LYPD6B: variants seen among roughly 807,000 people sequenced by gnomAD.
LYPD6B encodes LY6/PLAUR domain containing 6B, also known as ly6/PLAUR domain-containing protein 6B.
In LYPD6B, 17 loss-of-function variants were observed where a neutral mutation model predicts 22.8. The ratio of observed to expected loss-of-function variants is 0.75; its 90% CI spans 0.51 to 1.12. The LOEUF is 1.12. LYPD6B is among the 50% of genes most tolerant of loss of function. The pLI is 0.00. For missense variants in LYPD6B, 221 were observed against 258.3 expected, an observed-to-expected ratio of 0.86 and a Z score of 0.99; for synonymous variants, 106 against 91.6, an observed-to-expected ratio of 1.16 and a Z score of -0.90.
intron 1 of LYPD6B, among the ~76,000 whole-genome samples, chr2:149,081,454 G>A (rs568192228): frequency 2.5e-4 from 38 of 152,122 alleles, no homozygotes; most frequent in Non-Finnish European, 4.7e-4. Flanking sequence ...GTATAGATCT[G>A]GAAATTTAAT....
intron 1 of LYPD6B, among the ~76,000 whole-genome samples, chr2:149,072,193 A>G (rs969009315): frequency 2.8e-4 from 42 of 152,212 alleles, no homozygotes; most frequent in African/African-American, 8.9e-4. Context: ...CAGTCTCCCT[A>G]TGTTTTACCA....
chr2:149,208,996 AAG>A (rs1332296405), intron 5 of LYPD6B, among the ~76,000 whole-genome samples: 1 of 152,148 alleles, frequency 6.6e-6, no homozygotes, highest in African/African-American at 2.4e-5. Context: ...ACATACTGGA[AAG>A]AGGGAATCGC....
intron 1 of LYPD6B, among the ~76,000 whole-genome samples, chr2:149,095,030 G>A (rs1367126465): frequency 3.3e-5 from 5 of 152,274 alleles, no homozygotes; most frequent in East Asian, 3.9e-4. Flanking sequence ...GGTGGCTCAC[G>A]CCTGTAATCA....
intron 1 of LYPD6B, among the ~76,000 whole-genome samples, chr2:149,067,048 G>A (rs1254888831): frequency 6.6e-6 from 1 of 152,152 alleles, no homozygotes; most frequent in Admixed American, 6.6e-5. Flanking sequence ...ACTTCTAAGA[G>A]AGAATATGTG....
At chr2:149,051,640 A>G (rs1273629683) in intron 1 of LYPD6B, among the ~76,000 whole-genome samples, 2 of 151,908 alleles carry the variant, frequency 1.3e-5, no homozygotes, top group African/African-American at 4.8e-5. Context: ...TAGAAATGAC[A>G]TAAGTGAGTA....
intron 1 of LYPD6B, among the ~76,000 whole-genome samples, chr2:149,055,111 C>T (rs1278992944): frequency 1.3e-5 from 2 of 152,150 alleles, no homozygotes; most frequent in Admixed American, 1.3e-4. Context: ...TTGCATGTGG[C>T]TTCCCAGTTG....
intron 1 of LYPD6B, among the ~76,000 whole-genome samples, chr2:149,108,078 T>C (rs1405624707): frequency 1.3e-5 from 2 of 152,124 alleles, no homozygotes; most frequent in African/African-American, 4.8e-5. Context: ...GGTAATTGAA[T>C]CATGGGGGCA....
At chr2:149,090,694 A>G (rs1030629321) in intron 1 of LYPD6B, among the ~76,000 whole-genome samples, 1 of 152,168 alleles carries the variant, frequency 6.6e-6, no homozygotes, top group Non-Finnish European at 1.5e-5. Flanking sequence ...TAACTCAGGC[A>G]GAGGACCCAA....
chr2:149,175,278 C>T (rs1460785274), intron 3 of LYPD6B, among the ~76,000 whole-genome samples: 1 of 152,112 alleles, frequency 6.6e-6, no homozygotes, highest in African/African-American at 2.4e-5. Context: ...CTACTGAATA[C>T]TGTGGGAAGC....
intron 2 of LYPD6B, among the ~76,000 whole-genome samples, chr2:149,143,365 C>G (rs1409203234): frequency 6.6e-6 from 1 of 150,484 alleles, no homozygotes; most frequent in Admixed American, 6.6e-5. Flanking sequence ...AGTTTATGAT[C>G]TGGGCAGGGA....
At chr2:149,099,489 C>G (rs1352528707) in intron 1 of LYPD6B, among the ~76,000 whole-genome samples, 1 of 147,624 alleles carries the variant, frequency 6.8e-6, no homozygotes, top group Non-Finnish European at 1.5e-5. Context: ...GGTAGGGTCA[C>G]AGCAGGGCCA....
intron 1 of LYPD6B, among the ~76,000 whole-genome samples, chr2:149,067,719 A>T (rs945638268): frequency 6.6e-6 from 1 of 151,982 alleles, no homozygotes; most frequent in East Asian, 1.9e-4. Context: ...TTTAAATTTT[A>T]TATAATTTAG....
At chr2:149,123,157 C>T (rs1225845583) in intron 1 of LYPD6B, among the ~76,000 whole-genome samples, 2 of 152,288 alleles carry the variant, frequency 1.3e-5, no homozygotes, top group Non-Finnish European at 2.9e-5. Context: ...TTGCTGAGCT[C>T]CAGAGAATCC....
chr2:149,148,113 C>T (rs999897418), intron 2 of LYPD6B, among the ~76,000 whole-genome samples: 8 of 152,180 alleles, frequency 5.3e-5, no homozygotes, highest in African/African-American at 1.9e-4. Flanking sequence ...TATTCCAGTG[C>T]CTCCTGTTCT....
intron 1 of LYPD6B, among the ~76,000 whole-genome samples, chr2:149,125,132 C>T (rs1419550033): frequency 6.6e-6 from 1 of 152,142 alleles, no homozygotes; most frequent in Non-Finnish European, 1.5e-5. Flanking sequence ...CTCATTTCCG[C>T]CATCCCAAAC....
intron 1 of LYPD6B, among the ~76,000 whole-genome samples, chr2:149,124,749 C>T (rs1174428147): frequency 6.6e-6 from 1 of 152,138 alleles, no homozygotes; most frequent in Non-Finnish European, 1.5e-5. Flanking sequence ...GACCTTTCTA[C>T]TTGCTTGCTT....
At chr2:149,129,198 A>G (rs1687877871) in intron 1 of LYPD6B, among the ~76,000 whole-genome samples, 1 of 152,226 alleles carries the variant, frequency 6.6e-6, no homozygotes, top group Non-Finnish European at 1.5e-5. Context: ...ACCAAAATCC[A>G]TATGTTTAGG....
chr2:149,107,534 G>A (rs1032278948), intron 1 of LYPD6B, among the ~76,000 whole-genome samples: 4 of 152,140 alleles, frequency 2.6e-5, no homozygotes, highest in South Asian at 2.1e-4. Context: ...CAAGTGCTGC[G>A]TTAGCAATAT....
At chr2:149,068,774 G>A (rs563791908) in intron 1 of LYPD6B, 1 of 494,308 alleles carries the variant, frequency 2.0e-6, no homozygotes, top group Admixed American at 2.1e-5. Context: ...ATACTTTTCA[G>A]AGAGGGAATG....
Sources: gnomAD v4.1 joint callset for allele counts (sites outside exome capture counted in the v4.1 genomes callset) on GRCh38, gnomAD v4.1.1 for gene constraint, MANE v1.5 for transcripts, NCBI Gene and HGNC (gene_info 2026-07-23, HGNC 2026-07-21) for gene names.